ARSG: variants seen among roughly 807,000 people sequenced by gnomAD.
The protein encoded by ARSG is arylsulfatase G.
A neutral mutation model predicts 50.5 loss-of-function variants in ARSG; 37 were observed. The ratio of observed to expected loss-of-function variants is 0.73; its 90% CI spans 0.56 to 0.96. The LOEUF (loss-of-function observed/expected upper bound fraction) is 0.96. Among genes scored for constraint, ARSG ranks in the 50% least tolerant of loss-of-function variants. ARSG has a pLI of 0.00. For synonymous variants in ARSG, 225 were observed against 254.6 expected, an observed-to-expected ratio of 0.88 and a Z score of 1.11; for missense variants, 629 against 675.3, an observed-to-expected ratio of 0.93 and a Z score of 0.76.
At chr17:68,440,295 G>A in the ARSG span, among the ~76,000 whole-genome samples, 1 of 152,174 alleles carries the variant, frequency 6.6e-6, no homozygotes, top group South Asian at 2.1e-4. Flanking sequence ...CGAGCCACAC[G>A]AATGTATCTT....
rs1555764960 is a variant in ARSG, at chr17:68,307,713, T to C, written c.218+2T>C. The C allele has an allele frequency of 1.3e-6, 2 of 1,506,070 alleles. No homozygotes were observed. Among genetic ancestry groups the C allele is most frequent in the Non-Finnish European group, 1.8e-6 (2 of 1,082,318 alleles). 93.3% of individuals were successfully genotyped at this position (1,506,070 alleles called of 1,614,324 possible). Reference sequence around the variant, plus strand: ...TAAGATGGCTTCGGAGGGAATGAGGTGAGTCTTGAGATGCCAGGCCAGCCT... The same window carrying C: ...TAAGATGGCTTCGGAGGGAATGAGGCGAGTCTTGAGATGCCAGGCCAGCCT... On this transcript the variant is annotated splice_donor_variant, in intron 2 of 11. Transcript: ENST00000621439. LOFTEE classifies it high-confidence loss of function.
At chr17:68,441,337 G>A in the ARSG span, among the ~76,000 whole-genome samples, 2 of 152,228 alleles carry the variant, frequency 1.3e-5, no homozygotes, top group African/African-American at 2.4e-5. Context: ...GGCAACAGGC[G>A]AACTCTGTAT....
chr17:68,304,498 A>T (rs111960614), intron 1 of ARSG, among the ~76,000 whole-genome samples: 1,603 of 152,258 alleles, frequency 0.011, 23 homozygotes, highest in African/African-American at 0.036. Context: ...TTTGGTTTTT[A>T]TCCCGGTCTT....
At chr17:68,436,297 ACGGCAGG>A in the ARSG span, 1 of 1,266,470 alleles carries the variant, frequency 7.9e-7, no homozygotes, top group African/African-American at 1.5e-5. Flanking sequence ...CCAGCCCCCG[ACGGCAGG>A]GCGTCCTTAT....
chr17:68,286,567 C>T (rs78124814), upstream of ARSG, among the ~76,000 whole-genome samples: 537 of 152,194 alleles, frequency 3.5e-3, 1 homozygote, highest in African/African-American at 0.011. Flanking sequence ...TGCAGTGGCA[C>T]GATCTTGGCT....
chr17:68,350,709 T>C lies in ARSG; in HGVS notation c.455-866T>C, dbSNP rs2078718978. Among the ~76,000 whole-genome samples the C allele has an allele frequency of 1.3e-5, 2 of 152,202 alleles. 1 individual carries two copies. The highest frequency in any genetic ancestry group is 1.3e-4 in the Admixed American group (2 of 15,288). On this transcript the variant is annotated intron_variant, in intron 4 of 11. Coordinates refer to ENST00000621439, the MANE Select transcript of ARSG (RefSeq NM_001267727.2). ...CTGAGGCAGGAGAATGGCATGAACC[T>C]GGGAGGCGGAGCTTGCATTGAGCCG...
intron 11 of ARSG, among the ~76,000 whole-genome samples, chr17:68,405,519 G>A (rs2081670759): frequency 6.6e-6 from 1 of 152,194 alleles, no homozygotes; most frequent in South Asian, 2.1e-4. Context: ...CTGGCTTTGT[G>A]TTCTGAATTT....
chr17:68,407,672 A>G (rs1474768259), intron 11 of ARSG, among the ~76,000 whole-genome samples: 3 of 151,520 alleles, frequency 2.0e-5, no homozygotes, highest in African/African-American at 4.9e-5. Flanking sequence ...CTGTTGGTGT[A>G]TAGAAGAGCT....
At chr17:68,417,937 G>GGCCA (rs1304169267) in intron 11 of ARSG, among the ~76,000 whole-genome samples, 1 of 151,482 alleles carries the variant, frequency 6.6e-6, no homozygotes, top group Non-Finnish European at 1.5e-5. Flanking sequence ...TTACCATGTT[G>GGCCA]GCCAGACTGG....
At chr17:68,320,161 C>T (rs1200837622) in intron 2 of ARSG, among the ~76,000 whole-genome samples, 2 of 152,074 alleles carry the variant, frequency 1.3e-5, no homozygotes, top group Non-Finnish European at 2.9e-5. Context: ...TGATGGCGTG[C>T]GCCTGTAGTC....
At chr17:68,427,304 T>G, downstream of ARSG, 2 of 1,360,644 alleles carry the variant, frequency 1.5e-6, no homozygotes, top group Non-Finnish European at 2.1e-6. Context: ...TCATCATATA[T>G]CTAGGACACC....
In ARSG at chr17:68,356,739, G is replaced by A. The variant is rs757736830; in HGVS notation, c.639G>A (p.Pro213=). 14 of 1,614,150 alleles carry A rather than the reference G, an allele frequency of 8.7e-6. No homozygotes were observed. The highest frequency in any genetic ancestry group is 1.1e-5 in the Non-Finnish European group (13 of 1,180,026). ...AAAACCTCAACATTGTGGAGCAGCCGGTGAACTTGAGCAGCCTTGCCCAGA... is the reference window on the plus strand; with the variant it reads ...AAAACCTCAACATTGTGGAGCAGCCAGTGAACTTGAGCAGCCTTGCCCAGA... ...LYENLNIVEQ[P]VNLSSLAQKY... The change falls in exon 6 of 12, where the codon CCG becomes CCA. Residue 213 remains proline, a synonymous_variant. Coordinates refer to ENST00000621439, the MANE Select transcript of ARSG (RefSeq NM_001267727.2).
chr17:68,364,270 G>A (rs888528984), intron 6 of ARSG, among the ~76,000 whole-genome samples: 1 of 151,994 alleles, frequency 6.6e-6, no homozygotes, highest in Non-Finnish European at 1.5e-5. Context: ...AAAATAGCAT[G>A]TGTTCCCTTT....
intron 1 of ARSG, chr17:68,282,861 T>G (rs2075739908): frequency 6.8e-6 from 1 of 146,900 alleles, no homozygotes; most frequent in Non-Finnish European, 1.5e-5. Flanking sequence ...GGCAGGAGAA[T>G]TGCTTGAACC....
rs574245721 is a variant in ARSG at position 68,379,496 on chromosome 17, C to T, written c.983-5568C>T. The stretch of plus-strand genomic sequence containing the variant: ...TCTTGCTTGTTGCCCAGGCTGGTTT[C>T]GAACTCCTGGCTTCAAGTGATCTTC... On this transcript the variant is annotated intron_variant, in intron 8 of 11. Transcript: ENST00000621439. Among the ~76,000 whole-genome samples the T allele has an allele frequency of 4.8e-4, 59 of 123,826 alleles. 1 individual carries two copies. The South Asian group carries it at 0.012, about 25-fold the overall frequency. The allele number at this position is 123,826 out of a possible 152,430, so 81.2% of individuals were successfully genotyped here.
At chr17:68,413,022 C>T in intron 11 of ARSG, among the ~76,000 whole-genome samples, 1 of 151,154 alleles carries the variant, frequency 6.6e-6, no homozygotes, top group East Asian at 1.9e-4. Context: ...ATACATTCTT[C>T]TAAATTTTTT....
At chr17:68,279,028 G>C (rs1162512685) in intron 1 of ARSG, among the ~76,000 whole-genome samples, 1 of 152,096 alleles carries the variant, frequency 6.6e-6, no homozygotes, top group Non-Finnish European at 1.5e-5. Flanking sequence ...CTCCCAAAAA[G>C]AAAGTTAAAT....
At chr17:68,374,383 G>T (rs1489039441) in intron 8 of ARSG, among the ~76,000 whole-genome samples, 2 of 151,990 alleles carry the variant, frequency 1.3e-5, no homozygotes, top group Non-Finnish European at 2.9e-5. Flanking sequence ...GGATGCAGGG[G>T]GAAGGATCTG....
At chr17:68,363,887 T>C (rs2079415689) in intron 6 of ARSG, among the ~76,000 whole-genome samples, 1 of 152,156 alleles carries the variant, frequency 6.6e-6, no homozygotes. Context: ...CAAGTGGTTA[T>C]TGCAGCAGTC....
Sources: allele counts gnomAD v4.1 joint callset (sites outside exome capture counted in the v4.1 genomes callset), GRCh38; gene constraint gnomAD v4.1.1; transcripts MANE v1.5; gene names NCBI Gene and HGNC (gene_info 2026-07-23, HGNC 2026-07-21).